CRACD: variants seen among roughly 807,000 people sequenced by gnomAD.
CRACD encodes capping protein-inhibiting regulator of actin dynamics.
Under a neutral mutation model 106.8 loss-of-function variants are expected in CRACD, and 56 were observed. The observed-to-expected ratio is 0.52, with a 90% CI of 0.42 to 0.66. The LOEUF is 0.66. Among genes scored for constraint, CRACD ranks in the 30% least tolerant of loss-of-function variants. The pLI, the probability that CRACD is intolerant of heterozygous loss-of-function variation, is 0.00. For missense variants in CRACD, 1,730 were observed against 1,623.2 expected (o/e 1.07, Z -1.13); for synonymous variants, 754 against 670.8 (o/e 1.12, Z -1.92).
Position 56,328,404 on chromosome 4 carries a change from G to A in CRACD, c.*600G>A. 1 of 518,710 alleles carries A rather than the reference G, an allele frequency of 1.9e-6. No homozygotes were observed. Among genetic ancestry groups the A allele is most frequent in the Non-Finnish European group, 3.8e-6 (1 of 259,752 alleles). 32.1% of individuals were successfully genotyped at this position (518,710 alleles called of 1,614,324 possible). A position where few individuals can be genotyped will look rare whatever the true frequency, so the allele number is the denominator to read the frequency against. On this transcript the variant is annotated 3_prime_UTR_variant, in exon 11 of 11. Coordinates refer to ENST00000682029, the MANE Select transcript of CRACD (RefSeq NM_001393381.1). ...CCCACTCTGAAGCTGTAACCCAGAAGGCACATCCATTCACATTTTTACCGC... is the reference window on the plus strand; with the variant it reads ...CCCACTCTGAAGCTGTAACCCAGAAAGCACATCCATTCACATTTTTACCGC...
At chr4:56,213,089 A>G (rs114546052) in intron 2 of CRACD, among the ~76,000 whole-genome samples, 3,897 of 152,270 alleles carry the variant, frequency 0.026, 166 homozygotes, top group African/African-American at 0.088. Flanking sequence ...AGGTCTCTGT[A>G]AGCTCCACTT....
intron 2 of CRACD, among the ~76,000 whole-genome samples, chr4:56,203,665 C>G (rs1737990746): frequency 6.6e-6 from 1 of 152,130 alleles, no homozygotes; most frequent in South Asian, 2.1e-4. Flanking sequence ...TTTGCAGGGT[C>G]CAGTGCAAAA....
chr4:56,218,920 C>T (rs1738883988), intron 2 of CRACD, among the ~76,000 whole-genome samples: 1 of 152,014 alleles, frequency 6.6e-6, no homozygotes, highest in South Asian at 2.1e-4. Flanking sequence ...ATACATTTAC[C>T]ATCTTTCTTG....
At chr4:56,317,968 C>G (rs1012599608) in intron 8 of CRACD, among the ~76,000 whole-genome samples, 4 of 152,020 alleles carry the variant, frequency 2.6e-5, no homozygotes, top group African/African-American at 9.7e-5. Context: ...AAGTATGGGT[C>G]AAAGCCAAAA....
rs899168251 is a variant in CRACD, at chr4:56,327,713, A to T, written c.3611A>T (p.Asp1204Val). The T allele has an allele frequency of 6.2e-7, 1 of 1,614,000 alleles. No homozygotes were observed. Among genetic ancestry groups the T allele is most frequent in the Non-Finnish European group, 8.5e-7 (1 of 1,180,020 alleles). Residue 1204 changes from aspartate to valine, a missense_variant, in exon 11 of 11, where the codon GAT (aspartate) becomes GTT (valine). By Grantham distance (152) the Asp-to-Val change is radical. Coordinates refer to ENST00000682029, the MANE Select transcript of CRACD (RefSeq NM_001393381.1). ...KEVTKRFSTP[D>V]AAPVSTEPAW... ...GTCACCAAGAGGTTTTCCACCCCGG[A>T]TGCTGCCCCCGTGTCAACAGAACCA...
At chr4:56,193,846 T>C (rs1737488117) in intron 2 of CRACD, among the ~76,000 whole-genome samples, 1 of 152,162 alleles carries the variant, frequency 6.6e-6, no homozygotes, top group Admixed American at 6.5e-5. Flanking sequence ...GAGCATCCTC[T>C]ATCCTGCTTT....
chr4:56,146,137 T>A lies in CRACD; in HGVS notation c.-335-33147T>A, dbSNP rs531941739. ...TTTCTGAACAAGCTGTCATTTCAGT[T>A]TTGATTTCTATTTTGATCCAAGAAT... On this transcript the variant is annotated intron_variant, in intron 1 of 10. Transcript: ENST00000682029. 3.9e-5 allele frequency among the ~76,000 whole-genome samples: 6 copies of A among 152,278 alleles called. No individual in the cohort carries two copies. The South Asian group carries it at 1.2e-3, about 32-fold the overall frequency.
chr4:56,257,144 C>G (rs9760047), intron 2 of CRACD, among the ~76,000 whole-genome samples: 1 of 141,876 alleles, frequency 7.0e-6, no homozygotes, highest in Admixed American at 7.3e-5. Context: ...TGCAGTGGTG[C>G]GATCTCGGCT....
chr4:56,256,947 C>T (rs182396203), intron 2 of CRACD, among the ~76,000 whole-genome samples: 14 of 152,064 alleles, frequency 9.2e-5, no homozygotes, highest in African/African-American at 2.7e-4. Context: ...AACTGACCAG[C>T]GTTAACATTA....
At chr4:56,277,354 T>C (rs1208740294) in intron 3 of CRACD, among the ~76,000 whole-genome samples, 1 of 152,072 alleles carries the variant, frequency 6.6e-6, no homozygotes, top group Non-Finnish European at 1.5e-5. Context: ...CCAATCAATG[T>C]AATATACCAT....
At chr4:56,221,680 A>G (rs374358795) in intron 2 of CRACD, among the ~76,000 whole-genome samples, 2 of 152,090 alleles carry the variant, frequency 1.3e-5, no homozygotes, top group East Asian at 3.8e-4. Flanking sequence ...AAATAAAATA[A>G]AAAAACTCCA....
Position 56,316,809 on chromosome 4 carries a change from A to T in CRACD, c.3187+120A>T, listed in dbSNP as rs57503982. The T allele has an allele frequency of 9.6e-6, 12 of 1,245,740 alleles. No individual in the cohort carries two copies. The East Asian group carries it at 3.0e-4, about 31-fold the overall frequency. 77.2% of individuals were successfully genotyped at this position (1,245,740 alleles called of 1,614,324 possible). The stretch of plus-strand genomic sequence containing the variant: ...ACCAACAATACAGATTTGAAAAAGG[A>T]AAGTTTTATTAGAACGCTGCAGAAC... On this transcript the variant is annotated intron_variant, in intron 8 of 10. Transcript: ENST00000682029.
intron 2 of CRACD, among the ~76,000 whole-genome samples, chr4:56,229,542 T>A (rs1274004428): frequency 1.3e-5 from 2 of 152,192 alleles, no homozygotes; most frequent in Non-Finnish European, 2.9e-5. Context: ...GCAGCCTGAA[T>A]GGACTAAGAT....
intron 2 of CRACD, among the ~76,000 whole-genome samples, chr4:56,260,207 T>C (rs770074510): frequency 6.6e-6 from 1 of 152,238 alleles, no homozygotes; most frequent in Non-Finnish European, 1.5e-5. Context: ...TTTGTTTTCT[T>C]CCCTTTGTTA....
intron 1 of CRACD, among the ~76,000 whole-genome samples, chr4:56,076,989 A>G (rs1472773463): frequency 6.6e-6 from 1 of 152,138 alleles, no homozygotes; most frequent in East Asian, 1.9e-4. Context: ...ACTTGTCCTA[A>G]TGGACATGGT....
At chr4:56,313,911 G>T in intron 7 of CRACD, 129 bp from the exon 8 acceptor site, 1 of 1,260,956 alleles carries the variant, frequency 7.9e-7, no homozygotes. Context: ...AGCTATCCCT[G>T]AACTTGAGAA....
chr4:56,254,815 A>T (rs1042671524), intron 2 of CRACD, among the ~76,000 whole-genome samples: 2 of 152,072 alleles, frequency 1.3e-5, no homozygotes, highest in Non-Finnish European at 2.9e-5. Flanking sequence ...TTTAAAAAAA[A>T]AAAGATCAGC....
intron 1 of CRACD, among the ~76,000 whole-genome samples, chr4:56,136,364 A>G (rs112930717): frequency 3.9e-5 from 6 of 152,312 alleles, no homozygotes; most frequent in African/African-American, 1.4e-4. Flanking sequence ...CTGTGCCATT[A>G]CACATTCTCA....
chr4:56,108,651 G>A (rs1196470438), intron 1 of CRACD, among the ~76,000 whole-genome samples: 1 of 152,142 alleles, frequency 6.6e-6, no homozygotes, highest in South Asian at 2.1e-4. Context: ...ACAAGACAAG[G>A]GGGGCAGGGT....
Sources: gnomAD v4.1 joint callset for allele counts (sites outside exome capture counted in the v4.1 genomes callset) on GRCh38, gnomAD v4.1.1 for gene constraint, MANE v1.5 for transcripts, NCBI Gene and HGNC (gene_info 2026-07-23, HGNC 2026-07-21) for gene names.